The following DOCK7 variants were observed in gnomAD, a reference collection of about 807,000 sequenced individuals.
The protein encoded by DOCK7 is dedicator of cytokinesis protein 7.
DOCK7 carries 138 observed loss-of-function variants against 271.0 expected under a neutral mutation model. The observed-to-expected ratio is 0.51, with a 90% CI of 0.44 to 0.59. The LOEUF is 0.59. DOCK7 is among the 20% of genes least tolerant of loss of function. The pLI, the probability that DOCK7 is intolerant of heterozygous loss-of-function variation, is 0.00. For missense variants in DOCK7, 2,066 were observed against 2,592.4 expected, an observed-to-expected ratio of 0.80 and a Z score of 4.41; for synonymous variants, 823 against 876.1, an observed-to-expected ratio of 0.94 and a Z score of 1.07.
At chr1:62,677,079 A>G (rs1168164242) in intron 1 of DOCK7, among the ~76,000 whole-genome samples, 1 of 152,258 alleles carries the variant, frequency 6.6e-6, no homozygotes, top group Non-Finnish European at 1.5e-5. Context: ...ACCACTATAA[A>G]TGACTAAACC....
At position 62,653,806 on chromosome 1, in the gene DOCK7, G is replaced by A. The variant is rs776410146; in HGVS notation, c.321-13C>T. The stretch of plus-strand genomic sequence containing the variant: ...TGGATCCATTTCACTATTTTAAAAA[G>A]GAAAATACATTTGTAATTTAGACGG... On this transcript the variant is annotated splice_polypyrimidine_tract_variant and intron_variant, in intron 3 of 49. Transcript: ENST00000635253. 1.3e-6 allele frequency: 2 copies of A among 1,564,748 alleles called. No individual in the cohort carries two copies. The highest frequency in any genetic ancestry group is 1.4e-5 in the African/African-American group (1 of 73,840).
At chr1:62,476,318 C>CA in intron 44 of DOCK7, 162 bp from the exon 45 acceptor site, 1 of 530,798 alleles carries the variant, frequency 1.9e-6, no homozygotes, top group Non-Finnish European at 3.3e-6. Flanking sequence ...ATTATACTAG[C>CA]TTATAAATTA....
At chr1:62,502,670 C>T (rs567522338) in intron 37 of DOCK7, among the ~76,000 whole-genome samples, 1 of 152,198 alleles carries the variant, frequency 6.6e-6, no homozygotes, top group African/African-American at 2.4e-5. Flanking sequence ...ACCATTAGAG[C>T]AAAACCAGAA....
intron 14 of DOCK7, among the ~76,000 whole-genome samples, chr1:62,617,094 C>T (rs78157970): frequency 3.6e-4 from 36 of 99,086 alleles, no homozygotes; most frequent in Admixed American, 1.1e-3. Flanking sequence ...GACTCTATTG[C>T]AAAAAAAAAA....
chr1:62,553,348 ATATATATTTTTTTTTTT>A (rs1456413707), intron 21 of DOCK7, among the ~76,000 whole-genome samples: 78 of 22,572 alleles, frequency 3.5e-3, no homozygotes, highest in Non-Finnish European at 4.3e-3. Context: ...ATATATATAT[ATATATATTTTTTTTTTT>A]TTTTTTTTTT....
intron 14 of DOCK7, chr1:62,597,984 T>C (rs754954896): frequency 1.3e-6 from 2 of 1,561,758 alleles, no homozygotes; most frequent in East Asian, 4.5e-5. Context: ...AAAAGTGAAA[T>C]ATTTAGAAGA....
intron 37 of DOCK7, among the ~76,000 whole-genome samples, chr1:62,498,963 G>A (rs892253828): frequency 6.6e-6 from 1 of 151,868 alleles, no homozygotes; most frequent in Admixed American, 6.6e-5. Context: ...CACCATGCTT[G>A]GCTAATTTTT....
At chr1:62,509,928 G>C (rs1644433131) in intron 34 of DOCK7, among the ~76,000 whole-genome samples, 2 of 152,174 alleles carry the variant, frequency 1.3e-5, no homozygotes, top group South Asian at 2.1e-4. Flanking sequence ...AACTGGGAGA[G>C]TGCTAGGCAA....
At chr1:62,655,362 C>T (rs1657880731) in intron 2 of DOCK7, among the ~76,000 whole-genome samples, 1 of 151,896 alleles carries the variant, frequency 6.6e-6, no homozygotes, top group Non-Finnish European at 1.5e-5. Flanking sequence ...TGTGCAGGTG[C>T]ACATTATTAA....
At chr1:62,551,350 A>AT (rs1645898236) in intron 22 of DOCK7, among the ~76,000 whole-genome samples, 1 of 54,064 alleles carries the variant, frequency 1.8e-5, no homozygotes, top group African/African-American at 6.4e-5. Context: ...TGATGAACTT[A>AT]CAAAAAAAAA....
rs1449435459 is a variant in DOCK7 at position 62,559,211 on chromosome 1, G to T, written c.2209C>A (p.Leu737Ile). 3.1e-6 allele frequency: 5 copies of T among 1,611,374 alleles called. No homozygotes were observed. In the African/African-American group the frequency reaches 6.7e-5, roughly 22 times the overall value. The change falls in exon 20 of 50, where the codon CTT becomes ATT. Residue 737 changes from leucine (L) to isoleucine (I), a missense_variant. Around this residue, in one of 2 missense-constraint regions of DOCK7, gnomAD observed 1,414 missense variants for 1,670.4 expected, o/e 0.85. Coordinates refer to ENST00000635253, the MANE Select transcript of DOCK7 (RefSeq NM_001367561.1). ...TTGACCAGAGCAAAAAATTTGTCAA[G>T]ATAAGGATCCTAAAACAAAGAATAA... ...VSSIHTQDPY[L>I]DKFFALVNAL...
chr1:62,522,586 A>G (rs1166135502), intron 31 of DOCK7, among the ~76,000 whole-genome samples: 2 of 152,110 alleles, frequency 1.3e-5, no homozygotes, highest in South Asian at 2.1e-4. Flanking sequence ...CATACAGAAC[A>G]TATGTTTAAG....
At chr1:62,668,777 C>A (rs1261086997) in intron 1 of DOCK7, among the ~76,000 whole-genome samples, 1 of 151,690 alleles carries the variant, frequency 6.6e-6, no homozygotes, top group Non-Finnish European at 1.5e-5. Flanking sequence ...TACCTGTAGT[C>A]CTAGCTACTT....
At chr1:62,503,709 G>C (rs1321176136) in intron 37 of DOCK7, among the ~76,000 whole-genome samples, 2 of 151,912 alleles carry the variant, frequency 1.3e-5, no homozygotes, top group African/African-American at 4.8e-5. Context: ...CCAAAGTGTT[G>C]GGATTACACG....
At chr1:62,520,154 G>A (rs947246990) in intron 31 of DOCK7, among the ~76,000 whole-genome samples, 1 of 152,160 alleles carries the variant, frequency 6.6e-6, no homozygotes, top group Admixed American at 6.6e-5. Context: ...AACCCTTGAA[G>A]AAAACCTAGG....
intron 18 of DOCK7, among the ~76,000 whole-genome samples, chr1:62,564,399 A>AT (rs1301042709): frequency 6.6e-6 from 1 of 152,022 alleles, no homozygotes; most frequent in African/African-American, 2.4e-5. Context: ...AGAACTCAGG[A>AT]TTAAGAAACT....
Position 62,654,006 on chromosome 1 carries a change from C to CA in DOCK7, c.297dup (p.Val100CysfsTer6). 6.2e-7 allele frequency: 1 copy of CA among 1,613,522 alleles called. No individual in the cohort carries two copies. The highest frequency in any genetic ancestry group is 8.5e-7 in the Non-Finnish European group (1 of 1,179,750). ...TACCTTTCTTCAGGTACAGCTGAAACAAGAGTTCTGCAGTCCCGAGGACTA... is the reference window on the plus strand; with the variant it reads ...TACCTTTCTTCAGGTACAGCTGAAACAAAGAGTTCTGCAGTCCCGAGGACTA... On this transcript the variant is annotated frameshift_variant, in exon 3 of 50. Transcript: ENST00000635253. LOFTEE classifies it high-confidence loss of function.
chr1:62,683,856 G>A (rs1472356778), intron 1 of DOCK7, among the ~76,000 whole-genome samples: 3 of 152,038 alleles, frequency 2.0e-5, no homozygotes, highest in South Asian at 2.1e-4. Flanking sequence ...TAAACCTGGG[G>A]GCAGAGACTT....
At chr1:62,603,180 C>A (rs1650409270) in intron 14 of DOCK7, among the ~76,000 whole-genome samples, 1 of 151,732 alleles carries the variant, frequency 6.6e-6, no homozygotes, top group African/African-American at 2.4e-5. Context: ...AAAAGGCTGA[C>A]AGGTAAGTCG....
Sources: gnomAD v4.1 joint callset for allele counts (sites outside exome capture counted in the v4.1 genomes callset) on GRCh38, gnomAD v4.1.1 for gene constraint, gnomAD v4.1.1 regional missense constraint, MANE v1.5 for transcripts, NCBI Gene and HGNC (gene_info 2026-07-23, HGNC 2026-07-21) for gene names.